The following PPP1R36 variants were observed in gnomAD, a reference collection of about 807,000 sequenced individuals.
The protein encoded by PPP1R36 is protein phosphatase 1 regulatory subunit 36, also known as chromosome 14 open reading frame 50.
Under a neutral mutation model 53.4 loss-of-function variants are expected in PPP1R36, and 47 were observed. The ratio of observed to expected loss-of-function variants is 0.88; its 90% CI spans 0.70 to 1.12. The LOEUF (loss-of-function observed/expected upper bound fraction) is 1.12, where lower values mean the gene tolerates loss of function less well. PPP1R36 is among the 50% of genes most tolerant of loss of function. PPP1R36 has a pLI of 0.00. For synonymous variants in PPP1R36, 153 were observed against 170.5 expected, an observed-to-expected ratio of 0.90 and a Z score of 0.80; for missense variants, 456 against 513.9, an observed-to-expected ratio of 0.89 and a Z score of 1.09.
At chr14:64,578,047 C>CTCA (rs1411873100) in intron 8 of PPP1R36, among the ~76,000 whole-genome samples, 1 of 146,358 alleles carries the variant, frequency 6.8e-6, no homozygotes, top group Non-Finnish European at 1.5e-5. Flanking sequence ...GATGGAGTTT[C>CTCA]ACTCTTGTTG....
At chr14:64,577,604 T>C (rs1273943345) in intron 8 of PPP1R36, among the ~76,000 whole-genome samples, 1 of 152,030 alleles carries the variant, frequency 6.6e-6, no homozygotes, top group African/African-American at 2.4e-5. Flanking sequence ...ACCATAATTT[T>C]CTCCAATAAA....
At chr14:64,577,429 C>T (rs999814406) in intron 8 of PPP1R36, among the ~76,000 whole-genome samples, 2 of 152,208 alleles carry the variant, frequency 1.3e-5, no homozygotes, top group African/African-American at 4.8e-5. Flanking sequence ...ACAGCGTCAG[C>T]TTGAGGACTC....
chr14:64,558,588 A>G (rs901369183), intron 3 of PPP1R36, among the ~76,000 whole-genome samples: 2 of 151,976 alleles, frequency 1.3e-5, no homozygotes, highest in Non-Finnish European at 2.9e-5. Flanking sequence ...CAAAAAACAA[A>G]TAAACAAAAC....
intron 1 of PPP1R36, 54 bp downstream of exon 1, chr14:64,550,120 G>A (rs1176599352): frequency 6.5e-7 from 1 of 1,535,676 alleles, no homozygotes; most frequent in Non-Finnish European, 8.8e-7. Flanking sequence ...GGCGGGCCCT[G>A]CTGCCCCCAA....
intron 3 of PPP1R36, among the ~76,000 whole-genome samples, chr14:64,555,048 A>G (rs1308371615): frequency 1.3e-5 from 2 of 152,176 alleles, no homozygotes; most frequent in Non-Finnish European, 2.9e-5. Context: ...ATTTAAAATC[A>G]TACTATTTAA....
intron 11 of PPP1R36, 85 bp downstream of exon 11, chr14:64,588,380 CCT>C: frequency 8.1e-7 from 1 of 1,232,252 alleles, no homozygotes; most frequent in South Asian, 1.5e-5. Flanking sequence ...AGGCACCATG[CCT>C]CTGCCAGGGA....
intron 8 of PPP1R36, among the ~76,000 whole-genome samples, chr14:64,583,330 T>C (rs1221532025): frequency 9.2e-5 from 14 of 152,052 alleles, no homozygotes; most frequent in Non-Finnish European, 2.1e-4. Flanking sequence ...ACTCAAAATA[T>C]ACCAGCCAGA....
chr14:64,560,443 A>G (rs1033229474), intron 3 of PPP1R36, among the ~76,000 whole-genome samples: 1 of 145,534 alleles, frequency 6.9e-6, no homozygotes, highest in Non-Finnish European at 1.6e-5. Context: ...TATCTCAAGA[A>G]AAAAAAAAAA....
At chr14:64,572,072 G>A (rs1274707546) in intron 7 of PPP1R36, among the ~76,000 whole-genome samples, 1 of 152,010 alleles carries the variant, frequency 6.6e-6, no homozygotes, top group Non-Finnish European at 1.5e-5. Flanking sequence ...ATATATTTTG[G>A]CAGTTTCTAA....
rs141481253 is a variant in PPP1R36, at chr14:64,556,678, G to A, written c.182+3817G>A. On this transcript the variant is annotated intron_variant, in intron 3 of 11. Coordinates refer to ENST00000298705, the MANE Select transcript of PPP1R36 (RefSeq NM_172365.3). Reference sequence around the variant, plus strand: ...AGTCCCAGCTACTTGGGATGCTGAGGTGGGAGGATTGAGGCTGTGGTGAGT... The same window carrying A: ...AGTCCCAGCTACTTGGGATGCTGAGATGGGAGGATTGAGGCTGTGGTGAGT... Among the ~76,000 whole-genome samples, 39 of 150,142 alleles carry A rather than the reference G, an allele frequency of 2.6e-4. 2 individuals are homozygous for A. The East Asian group carries it at 7.4e-3, about 29-fold the overall frequency.
intron 3 of PPP1R36, among the ~76,000 whole-genome samples, chr14:64,563,454 TA>T (rs34454896): frequency 3.8e-4 from 55 of 144,442 alleles, no homozygotes; most frequent in Non-Finnish European, 2.1e-4. Context: ...CCAGTCATCT[TA>T]AAAAAAAAAA....
intron 11 of PPP1R36, 167 bp downstream of exon 11, chr14:64,588,462 A>C (rs576002043): frequency 5.4e-6 from 3 of 554,320 alleles, no homozygotes; most frequent in Admixed American, 3.3e-5. Flanking sequence ...CTTTCTAGAG[A>C]ATCTTGAGGT....
chr14:64,573,355 A>G (rs1319338087), intron 7 of PPP1R36, among the ~76,000 whole-genome samples: 1 of 152,202 alleles, frequency 6.6e-6, no homozygotes. Context: ...AGTAGTTCAC[A>G]GATGCCTTCT....
chr14:64,564,835 CA>C lies in PPP1R36; in HGVS notation c.268del (p.Arg90GlyfsTer2). ...CAGAAACTGATGGTCCAGCTTCAGACAGGTAGATTAACTTCCCAATCATGCC... is the reference window on the plus strand; with the variant it reads ...CAGAAACTGATGGTCCAGCTTCAGACGGTAGATTAACTTCCCAATCATGCC... Reference protein sequence around the residue: ...FAETDGPASDRLTDKRLAAKD... With the variant: ...FAETDGPASDXLTDKRLAAKD... On this transcript the variant is annotated frameshift_variant and splice_region_variant, in exon 4 of 12. Coordinates refer to ENST00000298705, the MANE Select transcript of PPP1R36 (RefSeq NM_172365.3). LOFTEE classifies it high-confidence loss of function. The C allele has an allele frequency of 6.3e-7, 1 of 1,598,790 alleles. No homozygotes were observed. Among genetic ancestry groups the C allele is most frequent in the Non-Finnish European group, 8.5e-7 (1 of 1,172,726 alleles).
At chr14:64,585,822 C>G (rs1363492867) in intron 8 of PPP1R36, among the ~76,000 whole-genome samples, 5 of 152,228 alleles carry the variant, frequency 3.3e-5, no homozygotes, top group Non-Finnish European at 5.9e-5. Context: ...TGCATAACCC[C>G]CTCAGTCAAC....
At chr14:64,585,348 T>G (rs1262092407) in intron 8 of PPP1R36, among the ~76,000 whole-genome samples, 3 of 151,930 alleles carry the variant, frequency 2.0e-5, no homozygotes. Context: ...AAACCCCATC[T>G]CTACAAAAAA....
rs1596735470 is a variant in PPP1R36 at position 64,568,467 on chromosome 14, G to A, written c.533+20G>A. On this transcript the variant is annotated intron_variant, in intron 7 of 11. Transcript: ENST00000298705. ...TATGGTGTAAGTAAGATTTTATAGT[G>A]TGCTTTAGAGTTTTATCACTGCCAG... The A allele has an allele frequency of 1.7e-6, 2 of 1,167,588 alleles. No individual in the cohort carries two copies. The highest frequency in any genetic ancestry group is 2.5e-5 in the East Asian group (1 of 40,016). 72.3% of individuals were successfully genotyped at this position (1,167,588 alleles called of 1,614,324 possible).
chr14:64,571,799 A>C (rs1409688149), intron 7 of PPP1R36, among the ~76,000 whole-genome samples: 1 of 152,214 alleles, frequency 6.6e-6, no homozygotes, highest in African/African-American at 2.4e-5. Context: ...GAGGCCTCAC[A>C]ATCATGGTGG....
intron 8 of PPP1R36, among the ~76,000 whole-genome samples, chr14:64,585,525 A>C (rs1283437206): frequency 6.9e-6 from 1 of 144,420 alleles, no homozygotes; most frequent in Non-Finnish European, 1.5e-5. Context: ...TCAAAAAAAA[A>C]AAAAAAAAAA....
Sources: gnomAD v4.1 joint callset for allele counts (sites outside exome capture counted in the v4.1 genomes callset) on GRCh38, gnomAD v4.1.1 for gene constraint, MANE v1.5 for transcripts, NCBI Gene and HGNC (gene_info 2026-07-23, HGNC 2026-07-21) for gene names.